Variants in DYSF observed in about 807,000 individuals in gnomAD.
DYSF encodes dysferlin, also known as dystrophy-associated fer-1-like 1.
Under a neutral mutation model 274.9 loss-of-function variants are expected in DYSF, and 212 were observed. The ratio of observed to expected loss-of-function variants is 0.77; its 90% CI spans 0.69 to 0.86. The LOEUF is 0.86. Among genes scored for constraint, DYSF ranks in the 40% least tolerant of loss-of-function variants. The pLI is 0.00. For missense variants in DYSF, 2,666 were observed against 2,783.2 expected, an observed-to-expected ratio of 0.96 and a Z score of 0.95; for synonymous variants, 1,091 against 1,078.7, an observed-to-expected ratio of 1.01 and a Z score of -0.22.
At chr2:71,549,368 T>C (rs1328264530) in intron 17 of DYSF, 1 of 1,612,834 alleles carries the variant, frequency 6.2e-7, no homozygotes, top group Non-Finnish European at 8.5e-7. Context: ...GCAGGTGCTG[T>C]CAAGCCTTCG....
Position 71,503,198 on chromosome 2 carries a change from TTC to T in DYSF, c.240-9_240-8del. 1 of 1,613,098 alleles carries T rather than the reference TTC, an allele frequency of 6.2e-7. No homozygotes were observed. The highest frequency in any genetic ancestry group is 8.5e-7 in the Non-Finnish European group (1 of 1,179,188). On this transcript the variant is annotated splice_polypyrimidine_tract_variant and intron_variant, in intron 3 of 55. Transcript: ENST00000410020. ...CTTAGGCTAGTTTTCTACATTTGAC[TTC>T]TCTCTCCTCTCAGGTTCCTGGGGGA...
In DYSF at chr2:71,658,952, C is replaced by T. The variant is rs375485030; in HGVS notation, c.4830C>T (p.Ala1610=). ...CCCCAAGACAGTTCCACCAGCTGGCCGCCCAGGGACCCCAGGAGTGCTTGG... is the reference window on the plus strand; with the variant it reads ...CCCCAAGACAGTTCCACCAGCTGGCTGCCCAGGGACCCCAGGAGTGCTTGG... ...PMPPRQFHQL[A]AQGPQECLVR... The change falls in exon 44 of 56, where the codon GCC becomes GCT. Residue 1610 remains alanine, a synonymous_variant. Transcript: ENST00000410020. 44 of 1,614,072 alleles carry T rather than the reference C, an allele frequency of 2.7e-5. No individual in the cohort carries two copies. Among genetic ancestry groups the T allele is most frequent in the East Asian group, 1.6e-4 (7 of 44,896 alleles).
At chr2:71,586,606 A>G (rs914946168) in intron 30 of DYSF, among the ~76,000 whole-genome samples, 3 of 152,086 alleles carry the variant, frequency 2.0e-5, no homozygotes, top group Non-Finnish European at 4.4e-5. Context: ...GATTGCAGGC[A>G]GGAGGCCCTG....
At chr2:71,664,043 C>G (rs933554383) in intron 45 of DYSF, among the ~76,000 whole-genome samples, 1 of 152,224 alleles carries the variant, frequency 6.6e-6, no homozygotes, top group Non-Finnish European at 1.5e-5. Context: ...CAGGCAGGCA[C>G]TTGCCTTATG....
chr2:71,485,594 C>T (rs2083296794), intron 3 of DYSF, among the ~76,000 whole-genome samples: 1 of 152,110 alleles, frequency 6.6e-6, no homozygotes, highest in Non-Finnish European at 1.5e-5. Flanking sequence ...GGAGGGAGCA[C>T]AGGTACCTGC....
intron 17 of DYSF, 49 bp from the exon 18 acceptor site, chr2:71,550,992 G>A (rs1018323246): frequency 6.5e-7 from 1 of 1,548,914 alleles, no homozygotes; most frequent in African/African-American, 1.4e-5. Context: ...GTGGAGCATT[G>A]GGAAGCCCCA....
chr2:71,473,339 C>G (rs2082169675), intron 1 of DYSF, among the ~76,000 whole-genome samples: 1 of 152,200 alleles, frequency 6.6e-6, no homozygotes, highest in South Asian at 2.1e-4. Flanking sequence ...GAATTTCTGT[C>G]ACTTTCTTGG....
chr2:71,599,176 T>G (rs2093482377), intron 33 of DYSF, among the ~76,000 whole-genome samples: 1 of 152,188 alleles, frequency 6.6e-6, no homozygotes, highest in South Asian at 2.1e-4. Context: ...GAATCCTCCA[T>G]GTGAGAGCAC....
At chr2:71,563,310 G>A (rs1311124074) in intron 23 of DYSF, among the ~76,000 whole-genome samples, 2 of 152,190 alleles carry the variant, frequency 1.3e-5, no homozygotes, top group African/African-American at 2.4e-5. Context: ...TCAGTGAAGC[G>A]ACGCATGGGC....
chr2:71,618,207 GATGT>G (rs1323239509), intron 40 of DYSF, among the ~76,000 whole-genome samples: 2 of 62,866 alleles, frequency 3.2e-5, no homozygotes, highest in East Asian at 5.6e-4. Flanking sequence ...GTAGAGATGG[GATGT>G]GTGTGTGTGG....
intron 42 of DYSF, among the ~76,000 whole-genome samples, chr2:71,644,707 A>G (rs548435889): frequency 6.6e-6 from 1 of 152,356 alleles, no homozygotes; most frequent in East Asian, 1.9e-4. Context: ...GCTTTGAAAA[A>G]GTAGACTACT....
intron 3 of DYSF, among the ~76,000 whole-genome samples, chr2:71,485,787 A>C (rs67350828): frequency 0.12 from 18,638 of 152,122 alleles, 1,286 homozygotes; most frequent in Admixed American, 0.2. Context: ...AAAGGAAAAA[A>C]CTTCAGGGAA....
chr2:71,543,225 G>T (rs1028897179), intron 17 of DYSF, among the ~76,000 whole-genome samples: 1 of 38,280 alleles, frequency 2.6e-5, no homozygotes, highest in African/African-American at 5.8e-5. Context: ...CCCAGACGGG[G>T]TCGCGGCCGG....
At chr2:71,653,337 G>A (rs1196182058) in intron 42 of DYSF, among the ~76,000 whole-genome samples, 2 of 152,040 alleles carry the variant, frequency 1.3e-5, no homozygotes, top group Non-Finnish European at 2.9e-5. Context: ...TATAAAACAT[G>A]CTGCTATAAA....
chr2:71,529,255 C>T (rs945391539), intron 14 of DYSF, among the ~76,000 whole-genome samples: 3 of 152,206 alleles, frequency 2.0e-5, no homozygotes, highest in Non-Finnish European at 2.9e-5. Flanking sequence ...TAGCTTTTGA[C>T]TTTAAACTTG....
chr2:71,676,352 CT>C (rs1246885837), intron 52 of DYSF, among the ~76,000 whole-genome samples: 1 of 151,802 alleles, frequency 6.6e-6, no homozygotes, highest in Non-Finnish European at 1.5e-5. Flanking sequence ...AAGATATTTC[CT>C]TTTTATTTGC....
At chr2:71,601,122 A>G (rs1219449733) in intron 34 of DYSF, 1 of 589,714 alleles carries the variant, frequency 1.7e-6, no homozygotes, top group Non-Finnish European at 3.0e-6. Flanking sequence ...CTTAATTGCC[A>G]CAATGTGAGG....
intron 17 of DYSF, among the ~76,000 whole-genome samples, chr2:71,546,704 T>C (rs942326241): frequency 2.0e-5 from 3 of 152,212 alleles, no homozygotes; most frequent in Non-Finnish European, 4.4e-5. Context: ...GTGTTTTCCA[T>C]AGTTAAGAAA....
At chr2:71,499,555 C>T (rs2084765137) in intron 3 of DYSF, among the ~76,000 whole-genome samples, 1 of 152,224 alleles carries the variant, frequency 6.6e-6, no homozygotes, top group Non-Finnish European at 1.5e-5. Flanking sequence ...GTTTGGGGGC[C>T]ACCCATGCCT....
Sources: gnomAD v4.1 joint callset for allele counts (sites outside exome capture counted in the v4.1 genomes callset) on GRCh38, gnomAD v4.1.1 for gene constraint, MANE v1.5 for transcripts, NCBI Gene and HGNC (gene_info 2026-07-23, HGNC 2026-07-21) for gene names.